Variants in MYO16 observed in about 807,000 individuals in gnomAD.
The protein encoded by MYO16 is myosin XVI.
MYO16 carries 94 observed loss-of-function variants against 205.3 expected under a neutral mutation model. The ratio of observed to expected loss-of-function variants is 0.46; its 90% confidence interval spans 0.39 to 0.54. The LOEUF (loss-of-function observed/expected upper bound fraction) is 0.54, where lower values mean the gene tolerates loss of function less well. Ranked by LOEUF, MYO16 falls within the 20% of genes least tolerant of loss-of-function variation. The pLI, the probability that MYO16 is intolerant of heterozygous loss-of-function variation, is 0.00. For missense variants in MYO16, 2,315 were observed against 2,387.5 expected (o/e 0.97, Z 0.63); for synonymous variants, 988 against 954.0 (o/e 1.04, Z -0.66).
intron 2 of MYO16, 103 bp from the exon 3 acceptor site, chr13:108,712,558 C>T: frequency 1.0e-6 from 1 of 992,728 alleles, no homozygotes; most frequent in Admixed American, 1.7e-5. Flanking sequence ...CTTTGGTTTT[C>T]ACAGCTGTTT....
intron 7 of MYO16, among the ~76,000 whole-genome samples, chr13:108,812,427 C>T (rs185880729): frequency 2.0e-5 from 3 of 152,282 alleles, no homozygotes; most frequent in African/African-American, 7.2e-5. Context: ...TCAATAAATG[C>T]CCTAATGATC....
chr13:108,580,183 G>T, the MYO16 span, among the ~76,000 whole-genome samples: 1 of 152,174 alleles, frequency 6.6e-6, no homozygotes, highest in Non-Finnish European at 1.5e-5. Flanking sequence ...GGAACATTTT[G>T]CTATACTGCA....
At chr13:108,782,429 T>TA (rs1397596920) in intron 4 of MYO16, among the ~76,000 whole-genome samples, 2 of 152,198 alleles carry the variant, frequency 1.3e-5, no homozygotes, top group Non-Finnish European at 2.9e-5. Context: ...TGGGTGTTGT[T>TA]AAAAGCATTC....
intron 3 of MYO16, among the ~76,000 whole-genome samples, chr13:108,721,732 T>C (rs1884171757): frequency 6.6e-6 from 1 of 151,934 alleles, no homozygotes; most frequent in Admixed American, 6.5e-5. Flanking sequence ...TATCCAAGCT[T>C]TTTTAGTGCT....
intron 31 of MYO16, among the ~76,000 whole-genome samples, chr13:109,128,363 C>G (rs1876364716): frequency 6.6e-6 from 1 of 152,094 alleles, no homozygotes; most frequent in Non-Finnish European, 1.5e-5. Flanking sequence ...GGTAGTAGTA[C>G]AGGATGGAAG....
chr13:108,502,365 T>C, the MYO16 span, among the ~76,000 whole-genome samples: 38 of 152,246 alleles, frequency 2.5e-4, no homozygotes, highest in Non-Finnish European at 5.4e-4. Context: ...CTATTTAGCA[T>C]GATCGACATA....
the MYO16 span, among the ~76,000 whole-genome samples, chr13:108,540,617 A>G: frequency 1.3e-5 from 2 of 152,104 alleles, no homozygotes; most frequent in Non-Finnish European, 2.9e-5. Flanking sequence ...TCTCTTTGCC[A>G]CTCCCAGAAA....
chr13:109,113,329 GGAAGGAAGGAAAA>G (rs1875499379), intron 28 of MYO16, among the ~76,000 whole-genome samples: 2 of 100,646 alleles, frequency 2.0e-5, no homozygotes, highest in African/African-American at 7.3e-5. Flanking sequence ...AAGGAAGGGA[GGAAGGAAGGAAAA>G]GAAGGAAGGA....
the MYO16 span, among the ~76,000 whole-genome samples, chr13:108,558,754 C>G: frequency 1.3e-5 from 2 of 152,176 alleles, no homozygotes; most frequent in Non-Finnish European, 2.9e-5. Flanking sequence ...GGGTTATGAC[C>G]TTGGGATTCA....
chr13:108,588,806 G>T, the MYO16 span, among the ~76,000 whole-genome samples: 3 of 152,040 alleles, frequency 2.0e-5, no homozygotes, highest in African/African-American at 7.2e-5. Context: ...AAAGTTCAAG[G>T]CTAGGCTGAA....
At chr13:108,909,308 A>C (rs1881151195) in intron 15 of MYO16, among the ~76,000 whole-genome samples, 1 of 152,004 alleles carries the variant, frequency 6.6e-6, no homozygotes, top group Admixed American at 6.6e-5. Flanking sequence ...TTGAAAACAG[A>C]GGACTAAATA....
intron 7 of MYO16, among the ~76,000 whole-genome samples, chr13:108,818,668 T>C (rs1024638129): frequency 6.6e-6 from 1 of 152,142 alleles, no homozygotes; most frequent in African/African-American, 2.4e-5. Context: ...AAATGACTGA[T>C]AGTGTGCATG....
chr13:108,621,905 C>A (rs778095324), intron 1 of MYO16, among the ~76,000 whole-genome samples: 9 of 151,998 alleles, frequency 5.9e-5, no homozygotes, highest in Non-Finnish European at 1.0e-4. Flanking sequence ...CTCTTAATCT[C>A]TAAATTAGAC....
the MYO16 span, among the ~76,000 whole-genome samples, chr13:108,534,185 T>C: frequency 2.7e-3 from 407 of 152,342 alleles, 3 homozygotes; most frequent in African/African-American, 9.0e-3. Flanking sequence ...GCATCAGCTA[T>C]ATTAATGGGA....
At chr13:108,594,088 A>T (rs7337447), upstream of MYO16, among the ~76,000 whole-genome samples, 5 of 152,116 alleles carry the variant, frequency 3.3e-5, no homozygotes, top group East Asian at 3.9e-4. Context: ...GCTACCCAAG[A>T]CACCCTTGCT....
chr13:108,688,343 A>C (rs1322142850), intron 2 of MYO16, among the ~76,000 whole-genome samples: 2 of 152,288 alleles, frequency 1.3e-5, no homozygotes, highest in South Asian at 2.1e-4. Flanking sequence ...AAACTTTCTC[A>C]TCGGTAGGAA....
intron 4 of MYO16, among the ~76,000 whole-genome samples, chr13:108,742,589 G>A (rs1373861313): frequency 1.3e-5 from 2 of 151,990 alleles, no homozygotes; most frequent in African/African-American, 2.4e-5. Flanking sequence ...TAACTCGAAT[G>A]TGTTCTTCTA....
the MYO16 span, among the ~76,000 whole-genome samples, chr13:108,503,462 A>G: frequency 6.6e-6 from 1 of 151,836 alleles, no homozygotes; most frequent in East Asian, 1.9e-4. Flanking sequence ...TTTTTTAAAT[A>G]AAAGGTCAGA....
the MYO16 span, among the ~76,000 whole-genome samples, chr13:108,525,735 G>T: frequency 2.0e-5 from 3 of 152,184 alleles, no homozygotes; most frequent in African/African-American, 7.2e-5. Flanking sequence ...GTAGGTGTAT[G>T]AGCTTGAAGA....
Sources: allele counts gnomAD v4.1 joint callset (sites outside exome capture counted in the v4.1 genomes callset), GRCh38; gene constraint gnomAD v4.1.1; transcripts MANE v1.5; gene names NCBI Gene and HGNC (gene_info 2026-07-23, HGNC 2026-07-21).